PAX3: variants seen among roughly 807,000 people sequenced by gnomAD.
The protein encoded by PAX3 is paired box protein Pax-3.
PAX3 carries 14 observed loss-of-function variants against 51.6 expected under a neutral mutation model. The ratio of observed to expected loss-of-function variants is 0.27; its 90% confidence interval spans 0.18 to 0.42. The LOEUF (loss-of-function observed/expected upper bound fraction) is 0.42. PAX3 is among the 10% of genes least tolerant of loss of function. PAX3 has a pLI of 1.00. For missense variants in PAX3, 540 were observed against 642.8 expected (o/e 0.84, Z 1.73); for synonymous variants, 280 against 253.4 (o/e 1.11, Z -1.00).
At chr2:222,287,942 C>G (rs982946603) in intron 4 of PAX3, among the ~76,000 whole-genome samples, 2 of 152,230 alleles carry the variant, frequency 1.3e-5, no homozygotes, top group South Asian at 2.1e-4. Flanking sequence ...ACCCCACACA[C>G]AGGCAGATCC....
intron 4 of PAX3, chr2:222,263,778 C>A (rs1310073222): frequency 6.6e-6 from 1 of 152,150 alleles, no homozygotes; most frequent in Non-Finnish European, 1.5e-5. Context: ...GTGGCATACC[C>A]ATTCAGTAGA....
At chr2:222,250,029 C>T (rs1216453493) in intron 4 of PAX3, among the ~76,000 whole-genome samples, 1 of 152,072 alleles carries the variant, frequency 6.6e-6, no homozygotes, top group East Asian at 1.9e-4. Flanking sequence ...CAGAGAACCT[C>T]ATGAATAAAA....
chr2:222,297,259 A>C, intron 1 of PAX3, 46 bp from the exon 2 acceptor site: 1 of 1,416,468 alleles, frequency 7.1e-7, no homozygotes, highest in Non-Finnish European at 9.8e-7. Context: ...TCACTGGAGG[A>C]AAATAAAAAG....
chr2:222,236,371 G>A (rs1692797884), intron 4 of PAX3, among the ~76,000 whole-genome samples: 1 of 152,044 alleles, frequency 6.6e-6, no homozygotes, highest in South Asian at 2.1e-4. Flanking sequence ...TGGGACTACA[G>A]ACTCACACCA....
chr2:222,235,811 A>G (rs1166804925), intron 4 of PAX3, among the ~76,000 whole-genome samples: 1 of 152,214 alleles, frequency 6.6e-6, no homozygotes, highest in East Asian at 1.9e-4. Flanking sequence ...TAAGAGTTCA[A>G]TAGGACAGCC....
rs540884915 is a variant in PAX3 at position 222,200,214 on chromosome 2, T to C, written c.*1194A>G. 3 of 218,460 alleles carry C rather than the reference T, an allele frequency of 1.4e-5. No individual in the cohort carries two copies. The highest frequency in any genetic ancestry group is 2.8e-5 in the Non-Finnish European group (3 of 108,576). 13.5% of individuals were successfully genotyped at this position (218,460 alleles called of 1,614,324 possible). A position where few individuals can be genotyped will look rare whatever the true frequency, so the allele number is the denominator to read the frequency against. On this transcript the variant is annotated 3_prime_UTR_variant, in exon 9 of 9. Coordinates refer to ENST00000392070, the MANE Select transcript of PAX3 (RefSeq NM_181458.4). ...ATCTCAAAAAGCAAATTTATTGACA[T>C]TCTAAAATGTCACCACACAAACGTA...
intron 3 of PAX3, among the ~76,000 whole-genome samples, 194 bp from the exon 4 acceptor site, chr2:222,294,495 C>A (rs1695181669): frequency 6.6e-6 from 1 of 152,076 alleles, no homozygotes; most frequent in African/African-American, 2.4e-5. Flanking sequence ...CCACTCAAAC[C>A]CCCCTCCCTA....
intron 4 of PAX3, among the ~76,000 whole-genome samples, chr2:222,292,302 T>G (rs952331170): frequency 3.3e-5 from 5 of 152,206 alleles, no homozygotes; most frequent in African/African-American, 1.2e-4. Flanking sequence ...ATAAAAAGGT[T>G]GCCTTCCTTT....
At chr2:222,209,115 A>C (rs1691620954) in intron 7 of PAX3, among the ~76,000 whole-genome samples, 1 of 152,172 alleles carries the variant, frequency 6.6e-6, no homozygotes, top group African/African-American at 2.4e-5. Context: ...TTTCCCTAAA[A>C]GTTTTCCCTC....
intron 7 of PAX3, among the ~76,000 whole-genome samples, chr2:222,207,048 T>C (rs1260568569): frequency 6.6e-6 from 1 of 152,174 alleles, no homozygotes; most frequent in Admixed American, 6.6e-5. Context: ...AAAGAGTTTT[T>C]TTATTCTTCC....
Position 222,298,624 on chromosome 2 carries a change from C to T in PAX3, c.-9G>A. The T allele has an allele frequency of 6.3e-7, 1 of 1,599,754 alleles. No individual in the cohort carries two copies. The highest frequency in any genetic ancestry group is 1.1e-5 in the South Asian group (1 of 88,882). Reference sequence around the variant, plus strand: ...CCGGCCAGCGTGGTCATCCTGGGGGCAGCTTCGCTCGGAAATTATATCCAG... The same window carrying T: ...CCGGCCAGCGTGGTCATCCTGGGGGTAGCTTCGCTCGGAAATTATATCCAG... On this transcript the variant is annotated 5_prime_UTR_variant, in exon 1 of 9. Transcript: ENST00000392070.
At chr2:222,295,687 T>C in intron 2 of PAX3, 30 bp from the exon 3 acceptor site, 1 of 1,613,444 alleles carries the variant, frequency 6.2e-7, no homozygotes, top group Non-Finnish European at 8.5e-7. Context: ...CAGGCGTTGG[T>C]ACCCGGTACC....
rs1691279666 is a variant in PAX3, at chr2:222,201,282, T to C, written c.*126A>G. The C allele has an allele frequency of 1.9e-6, 3 of 1,613,094 alleles. No individual in the cohort carries two copies. Among genetic ancestry groups the C allele is most frequent in the South Asian group, 1.1e-5 (1 of 91,056 alleles). On this transcript the variant is annotated 3_prime_UTR_variant, in exon 9 of 9. Coordinates refer to ENST00000392070, the MANE Select transcript of PAX3 (RefSeq NM_181458.4). ...ATCAATCACTCTCCTTTGTCTCCTA[T>C]TGGGACCACTGCCCCACCCCCCCCA...
chr2:222,216,270 A>T (rs1559260264), intron 7 of PAX3, among the ~76,000 whole-genome samples: 1 of 152,130 alleles, frequency 6.6e-6, no homozygotes, highest in South Asian at 2.1e-4. Flanking sequence ...CCACTAGCTC[A>T]CTCCATCAAT....
Position 222,260,568 on chromosome 2 carries a change from TTTTTTTTTTG to T in PAX3, c.587-28295_587-28286del, listed in dbSNP as rs1559292799. On this transcript the variant is annotated intron_variant, in intron 4 of 8. Coordinates refer to ENST00000392070, the MANE Select transcript of PAX3 (RefSeq NM_181458.4). The stretch of plus-strand genomic sequence containing the variant: ...GCAACACAAGTTTTTTTTTTTTGTT[TTTTTTTTTTG>T]TTTTTTTTTTTTGTTTTTTTTTTTT... Among the ~76,000 whole-genome samples, 83 of 104,030 alleles carry T rather than the reference TTTTTTTTTTG, an allele frequency of 8.0e-4. 2 individuals are homozygous for T. Among genetic ancestry groups the T allele is most frequent in the Non-Finnish European group, 1.4e-3 (66 of 48,816 alleles). 68.2% of individuals were successfully genotyped at this position (104,030 alleles called of 152,430 possible). A position where few individuals can be genotyped will look rare whatever the true frequency, so the allele number is the denominator to read the frequency against.
At chr2:222,255,318 G>C (rs1574699804) in intron 4 of PAX3, among the ~76,000 whole-genome samples, 1 of 152,150 alleles carries the variant, frequency 6.6e-6, no homozygotes, top group African/African-American at 2.4e-5. Context: ...AAGGCTTCAA[G>C]GAGATAGGCT....
chr2:222,216,512 A>C lies in PAX3; in HGVS notation c.1173+3628T>G, dbSNP rs140380595. Among the ~76,000 whole-genome samples the C allele has an allele frequency of 2.5e-3, 379 of 152,294 alleles. 1 individual carries two copies. The highest frequency in any genetic ancestry group is 8.7e-3 in the African/African-American group (363 of 41,568). Reference sequence around the variant, plus strand: ...ATCAGTCCATTGCCAAGCTCTGACCATCTGGACAGGTGTGACCTCCCTGAG... The same window carrying C: ...ATCAGTCCATTGCCAAGCTCTGACCCTCTGGACAGGTGTGACCTCCCTGAG... On this transcript the variant is annotated intron_variant, in intron 7 of 8. Transcript: ENST00000392070.
chr2:222,254,391 C>G (rs1220033394), intron 4 of PAX3, among the ~76,000 whole-genome samples: 1 of 152,158 alleles, frequency 6.6e-6, no homozygotes, highest in Admixed American at 6.5e-5. Context: ...CTTCCTCTTG[C>G]AATAAGCGTT....
At chr2:222,264,391 G>T (rs1693969845) in intron 4 of PAX3, 1 of 152,160 alleles carries the variant, frequency 6.6e-6, no homozygotes, top group Non-Finnish European at 1.5e-5. Flanking sequence ...GGAGACGGAT[G>T]GGGGATTGGG....
Sources: gnomAD v4.1 joint callset for allele counts (sites outside exome capture counted in the v4.1 genomes callset) on GRCh38, gnomAD v4.1.1 for gene constraint, MANE v1.5 for transcripts, NCBI Gene and HGNC (gene_info 2026-07-23, HGNC 2026-07-21) for gene names.